ZBTB20: variants seen among roughly 807,000 people sequenced by gnomAD.
The protein encoded by ZBTB20 is zinc finger and BTB domain containing 20.
Under a neutral mutation model 56.9 loss-of-function variants are expected in ZBTB20, and 9 were observed. The ratio of observed to expected loss-of-function variants is 0.16; its 90% CI spans 0.10 to 0.28. ZBTB20 has a LOEUF of 0.28. Ranked by LOEUF, ZBTB20 falls within the 10% of genes least tolerant of loss-of-function variation. The pLI is 1.00. For missense variants in ZBTB20, 655 were observed against 1,003.0 expected (o/e 0.65, Z 4.69); for synonymous variants, 417 against 420.7 (o/e 0.99, Z 0.11).
At chr3:114,926,543 A>G (rs2076164304) in intron 3 of ZBTB20, among the ~76,000 whole-genome samples, 1 of 152,190 alleles carries the variant, frequency 6.6e-6, no homozygotes, top group African/African-American at 2.4e-5. Context: ...GTACCAAGAG[A>G]TACAAATAAA....
chr3:114,362,398 G>A (rs1214726203), intron 10 of ZBTB20, among the ~76,000 whole-genome samples: 1 of 152,120 alleles, frequency 6.6e-6, no homozygotes, highest in Non-Finnish European at 1.5e-5. Context: ...TGGGTTCTAT[G>A]TGAGTGCTTG....
intron 6 of ZBTB20, chr3:114,687,092 A>G (rs1302511622): frequency 6.6e-6 from 1 of 152,064 alleles, no homozygotes; most frequent in Admixed American, 6.6e-5. Flanking sequence ...AAAATGTATG[A>G]TTTTTCCCCA....
chr3:115,085,867 C>T (rs532616926), intron 1 of ZBTB20, among the ~76,000 whole-genome samples: 24 of 151,868 alleles, frequency 1.6e-4, no homozygotes, highest in African/African-American at 5.3e-4. Context: ...CAGAAAGATG[C>T]CTACAAACAT....
intron 2 of ZBTB20, among the ~76,000 whole-genome samples, chr3:115,009,827 C>T (rs182093791): frequency 2.2e-4 from 33 of 152,066 alleles, no homozygotes; most frequent in African/African-American, 7.2e-4. Flanking sequence ...AAGGCCCTCA[C>T]TAGATGCCCA....
chr3:114,760,963 G>C (rs1452165064), intron 5 of ZBTB20, among the ~76,000 whole-genome samples: 1 of 152,160 alleles, frequency 6.6e-6, no homozygotes, highest in Non-Finnish European at 1.5e-5. Context: ...GGGACTAAGA[G>C]TGCAAATGTT....
chr3:115,076,912 A>G (rs1419931923), intron 1 of ZBTB20, among the ~76,000 whole-genome samples: 1 of 152,196 alleles, frequency 6.6e-6, no homozygotes, highest in Non-Finnish European at 1.5e-5. Context: ...CCTTATAAGA[A>G]GTCCACAATC....
chr3:114,818,170 T>G (rs2073048782), intron 4 of ZBTB20, among the ~76,000 whole-genome samples: 1 of 152,054 alleles, frequency 6.6e-6, no homozygotes, highest in South Asian at 2.1e-4. Flanking sequence ...CATTATAAAC[T>G]TTTATGGACA....
chr3:114,767,996 G>T (rs2068902988), intron 5 of ZBTB20, among the ~76,000 whole-genome samples: 1 of 152,024 alleles, frequency 6.6e-6, no homozygotes, highest in African/African-American at 2.4e-5. Context: ...AAGTATATTT[G>T]CATACATTTT....
At position 114,554,579 on chromosome 3, in the gene ZBTB20, A is replaced by G. The variant is rs549965065; in HGVS notation, c.-294-54188T>C. On this transcript the variant is annotated intron_variant, in intron 6 of 11. Coordinates refer to ENST00000675478, the MANE Select transcript of ZBTB20 (RefSeq NM_001348800.3). ...AAAGGAAGACAAAAAACAATAAATT[A>G]TTCTCATAAAAGGTGATGCATATGA... 6.6e-5 allele frequency among the ~76,000 whole-genome samples: 10 copies of G among 152,302 alleles called. No homozygotes were observed. The South Asian group carries it at 2.1e-3, about 32-fold the overall frequency.
At chr3:114,364,873 T>C (rs1033093872) in intron 10 of ZBTB20, among the ~76,000 whole-genome samples, 14 of 152,186 alleles carry the variant, frequency 9.2e-5, no homozygotes, top group African/African-American at 2.9e-4. Context: ...ACCCTTGGCC[T>C]TTTCTCCTTT....
intron 7 of ZBTB20, among the ~76,000 whole-genome samples, chr3:114,417,182 A>C (rs973529097): frequency 4.6e-5 from 7 of 151,962 alleles, no homozygotes; most frequent in African/African-American, 1.4e-4. Flanking sequence ...TAACTCAAAA[A>C]CTCGTTTCAA....
At position 114,317,721 on chromosome 3, in the gene ZBTB20, T is replaced by C. The variant is rs1328413827; in HGVS notation, c.*21284A>G. 6.6e-6 allele frequency: 1 copy of C among 152,144 alleles called. No individual in the cohort carries two copies. The highest frequency in any genetic ancestry group is 1.5e-5 in the Non-Finnish European group (1 of 68,040). The allele number at this position is 152,144 out of a possible 1,614,324, so 9.4% of individuals were successfully genotyped here. A position where few individuals can be genotyped will look rare whatever the true frequency, so the allele number is the denominator to read the frequency against. ...AATTGTAAAGAGGAAGAGGTTCATC[T>C]AACTATAAAAGGAAAAGATGAAGGC... On this transcript the variant is annotated 3_prime_UTR_variant, in exon 12 of 12. Transcript: ENST00000675478.
chr3:114,659,779 G>A (rs907004992), intron 6 of ZBTB20, among the ~76,000 whole-genome samples: 1 of 152,048 alleles, frequency 6.6e-6, no homozygotes, highest in African/African-American at 2.4e-5. Flanking sequence ...AATTCATAAA[G>A]GAAAAGATTT....
intron 1 of ZBTB20, among the ~76,000 whole-genome samples, chr3:115,125,899 A>T (rs995214548): frequency 6.6e-5 from 10 of 152,220 alleles, no homozygotes; most frequent in African/African-American, 2.4e-4. Context: ...AATAATACAC[A>T]CATACATACA....
chr3:114,624,361 A>AC lies in ZBTB20; in HGVS notation c.-295+69166_-295+69167insG, dbSNP rs1040472148. ...AAATAAACAACAGTAAGAGAAACAA[A>AC]AAAAAAAAAAACCCATCCCGTCCTG... On this transcript the variant is annotated intron_variant, in intron 6 of 11. Transcript: ENST00000675478. Among the ~76,000 whole-genome samples, 145 of 151,274 alleles carry AC rather than the reference A, an allele frequency of 9.6e-4. 1 individual carries two copies. The highest frequency in any genetic ancestry group is 1.5e-3 in the African/African-American group (60 of 41,378).
At chr3:114,811,482 A>G (rs561992605) in intron 4 of ZBTB20, among the ~76,000 whole-genome samples, 1 of 152,362 alleles carries the variant, frequency 6.6e-6, no homozygotes, top group South Asian at 2.1e-4. Context: ...AACATATAGT[A>G]TCTGCTTCTA....
At chr3:114,870,893 C>T (rs763690396) in intron 4 of ZBTB20, among the ~76,000 whole-genome samples, 3 of 151,992 alleles carry the variant, frequency 2.0e-5, no homozygotes, top group Non-Finnish European at 4.4e-5. Context: ...TTTTTCCTGT[C>T]TCTAGCCCCT....
At chr3:114,573,586 A>G (rs1015616918) in intron 6 of ZBTB20, among the ~76,000 whole-genome samples, 2 of 151,804 alleles carry the variant, frequency 1.3e-5, no homozygotes, top group African/African-American at 4.8e-5. Flanking sequence ...AAAAGGAAAA[A>G]GAAAAAAGAA....
At chr3:114,351,932 T>G (rs962865365) in intron 10 of ZBTB20, 54 bp from the exon 11 acceptor site, 9 of 1,548,970 alleles carry the variant, frequency 5.8e-6, no homozygotes, top group Admixed American at 5.3e-5. Flanking sequence ...TCTAGCTGGT[T>G]GCATTCCTAA....
Sources: allele counts gnomAD v4.1 joint callset (sites outside exome capture counted in the v4.1 genomes callset), GRCh38; gene constraint gnomAD v4.1.1; transcripts MANE v1.5; gene names NCBI Gene and HGNC (gene_info 2026-07-23, HGNC 2026-07-21).